Variants in HFM1 observed in about 807,000 individuals in gnomAD.
The protein encoded by HFM1 is probable ATP-dependent DNA helicase HFM1.
HFM1 carries 169 observed loss-of-function variants against 192.1 expected under a neutral mutation model. That is an observed-to-expected ratio of 0.88 (90% CI 0.78 to 1.00). The LOEUF is 1.00. Ranked by LOEUF, HFM1 falls within the 50% of genes least tolerant of loss-of-function variation. The pLI, the probability that HFM1 is intolerant of heterozygous loss-of-function variation, is 0.00. For synonymous variants in HFM1, 525 were observed against 537.8 expected (o/e 0.98, Z 0.33); for missense variants, 1,661 against 1,668.0 (o/e 1.00, Z 0.07).
At chr1:91,262,709 G>A (rs982720415) in intron 36 of HFM1, 117 bp from the exon 37 acceptor site, 67 of 621,138 alleles carry the variant, frequency 1.1e-4, no homozygotes, top group South Asian at 2.8e-4. Context: ...TCACAAAAAT[G>A]TAATGCATTG....
At chr1:91,317,994 C>A (rs1482410130) in intron 25 of HFM1, among the ~76,000 whole-genome samples, 1 of 152,026 alleles carries the variant, frequency 6.6e-6, no homozygotes, top group African/African-American at 2.4e-5. Context: ...CCCATATTGA[C>A]AATACTCTAG....
chr1:91,368,666 A>C (rs532243117), intron 13 of HFM1, among the ~76,000 whole-genome samples: 1 of 152,158 alleles, frequency 6.6e-6, no homozygotes, highest in Non-Finnish European at 1.5e-5. Context: ...AAAGACCATC[A>C]AGGCTAGGAA....
At chr1:91,276,499 G>T (rs1279148839) in intron 32 of HFM1, 129 bp downstream of exon 32, 3 of 438,356 alleles carry the variant, frequency 6.8e-6, no homozygotes, top group East Asian at 7.2e-5. Flanking sequence ...TATGAATAAT[G>T]GTAATATTCT....
At chr1:91,298,816 A>C (rs1472584681) in intron 30 of HFM1, among the ~76,000 whole-genome samples, 1 of 152,238 alleles carries the variant, frequency 6.6e-6, no homozygotes, top group African/African-American at 2.4e-5. Context: ...AACAACTGGT[A>C]CCAGCCACTG....
chr1:91,338,824 C>G (rs530335818), intron 20 of HFM1, among the ~76,000 whole-genome samples: 3 of 152,152 alleles, frequency 2.0e-5, no homozygotes, highest in Non-Finnish European at 2.9e-5. Flanking sequence ...ATACCCAGAC[C>G]TCACCATGCT....
chr1:91,263,530 C>G (rs1486137524), intron 36 of HFM1, among the ~76,000 whole-genome samples: 1 of 152,020 alleles, frequency 6.6e-6, no homozygotes, highest in Non-Finnish European at 1.5e-5. Context: ...CAGCTTGAGT[C>G]CAGGAGTTTG....
chr1:91,323,162 A>AT lies in HFM1; in HGVS notation c.2464dup (p.Ile822AsnfsTer7), dbSNP rs756925533. The AT allele has an allele frequency of 6.9e-6, 11 of 1,591,060 alleles. No homozygotes were observed. The highest frequency in any genetic ancestry group is 9.5e-6 in the Non-Finnish European group (11 of 1,162,728). On this transcript the variant is annotated frameshift_variant, in exon 22 of 39. Transcript: ENST00000370425. LOFTEE classifies it high-confidence loss of function. ...TTTCTTTTCATTTATCCTTAACTGT[A>AT]TATCTAGAAATTCCTTGCAGCCAGC...
At chr1:91,395,148 G>A (rs193016648) in intron 3 of HFM1, among the ~76,000 whole-genome samples, 135 of 152,114 alleles carry the variant, frequency 8.9e-4, no homozygotes, top group Admixed American at 1.3e-3. Flanking sequence ...TTGTTTGAGT[G>A]TGCTTGTTTT....
intron 13 of HFM1, among the ~76,000 whole-genome samples, chr1:91,372,132 T>C (rs1246139204): frequency 1.3e-5 from 2 of 152,208 alleles, no homozygotes; most frequent in Non-Finnish European, 2.9e-5. Flanking sequence ...ACTTTTACAC[T>C]GTTGGTGGGA....
At chr1:91,289,868 C>T (rs978433378) in intron 30 of HFM1, among the ~76,000 whole-genome samples, 2 of 151,658 alleles carry the variant, frequency 1.3e-5, no homozygotes, top group African/African-American at 2.4e-5. Flanking sequence ...GAGAGGGAGA[C>T]GAGAGGGAGA....
intron 13 of HFM1, among the ~76,000 whole-genome samples, chr1:91,369,239 C>T (rs1200083531): frequency 6.6e-6 from 1 of 152,124 alleles, no homozygotes; most frequent in African/African-American, 2.4e-5. Context: ...CAGCACTGCA[C>T]CAACCAGACC....
intron 35 of HFM1, among the ~76,000 whole-genome samples, chr1:91,266,457 G>GA (rs991659463): frequency 6.6e-6 from 1 of 152,142 alleles, no homozygotes; most frequent in Non-Finnish European, 1.5e-5. Flanking sequence ...TGGCGTGTGG[G>GA]AAAAAACCCA....
intron 4 of HFM1, among the ~76,000 whole-genome samples, chr1:91,388,199 T>C (rs1191673907): frequency 2.0e-5 from 3 of 152,270 alleles, no homozygotes; most frequent in African/African-American, 7.2e-5. Flanking sequence ...TCTGAGTCAT[T>C]CTAGCAAATT....
At chr1:91,298,182 G>C (rs568537575) in intron 30 of HFM1, among the ~76,000 whole-genome samples, 3 of 152,306 alleles carry the variant, frequency 2.0e-5, no homozygotes, top group African/African-American at 7.2e-5. Context: ...GGAAGAAAGG[G>C]TATCAGGGAT....
intron 30 of HFM1, among the ~76,000 whole-genome samples, chr1:91,297,426 C>T (rs112568222): frequency 4.0e-5 from 6 of 151,504 alleles, no homozygotes; most frequent in East Asian, 1.9e-4. Context: ...CCCTGTCTGA[C>T]AGCTTTGAAG....
At chr1:91,271,220 CT>C (rs1210450151) in intron 34 of HFM1, among the ~76,000 whole-genome samples, 1 of 152,078 alleles carries the variant, frequency 6.6e-6, no homozygotes, top group Non-Finnish European at 1.5e-5. Context: ...ACAGGGAAGT[CT>C]ACCTTTTTCC....
In HFM1 at chr1:91,351,596, C is replaced by G; in HGVS notation, c.2025G>C (p.Arg675Ser). Residue 675 changes from arginine (R) to serine (S), a missense_variant, in exon 17 of 39, where the codon AGG becomes AGC. Arg to Ser is a moderately radical substitution (Grantham distance 110). Transcript: ENST00000370425. Reference protein sequence around the residue: ...TAVIMTRLSTRDKYIQMLACR... With the variant: ...TAVIMTRLSTSDKYIQMLACR... ...AAGCTAACATCTGAATGTACTTGTC[C>G]CTTGTGCTTAATCGAGTCATGATAA... is the stretch of plus-strand genomic sequence containing the variant. 9 of 1,603,304 alleles carry G rather than the reference C, an allele frequency of 5.6e-6. No individual in the cohort carries two copies. Among genetic ancestry groups the G allele is most frequent in the Non-Finnish European group, 7.7e-6 (9 of 1,174,532 alleles).
In HFM1 at chr1:91,309,891, C is replaced by T. The variant is rs535305156; in HGVS notation, c.3391+3458G>A. Among the ~76,000 whole-genome samples the T allele has an allele frequency of 2.0e-5, 3 of 151,982 alleles. No individual in the cohort carries two copies. The South Asian group carries it at 6.2e-4, about 32-fold the overall frequency. On this transcript the variant is annotated intron_variant, in intron 30 of 38. Transcript: ENST00000370425. ...CATAATCACTCAATGGCAACGAGCT[C>T]CTCTAGGACACAGATTGTGATCTCT...
chr1:91,364,632 A>ATATATATATATTTTTTT (rs753472335), intron 13 of HFM1, among the ~76,000 whole-genome samples: 4 of 66,782 alleles, frequency 6.0e-5, no homozygotes, highest in Non-Finnish European at 7.6e-5. Flanking sequence ...ATATATATAT[A>ATATATATATATTTTTTT]TTTTTTTTTT....
Sources: allele counts gnomAD v4.1 joint callset (sites outside exome capture counted in the v4.1 genomes callset), GRCh38; gene constraint gnomAD v4.1.1; transcripts MANE v1.5; gene names NCBI Gene and HGNC (gene_info 2026-07-23, HGNC 2026-07-21).